The following CRB1 variants were observed in gnomAD, a reference collection of about 807,000 sequenced individuals.
CRB1 encodes the protein crumbs cell polarity complex component 1, also known as protein crumbs homolog 1.
A neutral mutation model predicts 120.0 loss-of-function variants in CRB1; 83 were observed. The observed-to-expected ratio is 0.69, with a 90% CI of 0.58 to 0.83. The LOEUF is 0.83. CRB1 is among the 40% of genes least tolerant of loss of function. CRB1 has a pLI of 0.00. For synonymous variants in CRB1, 625 were observed against 612.5 expected (o/e 1.02, Z -0.30); for missense variants, 1,699 against 1,687.6 (o/e 1.01, Z -0.12).
chr1:197,221,231 A>C, the CRB1 span, among the ~76,000 whole-genome samples: 1 of 152,216 alleles, frequency 6.6e-6, no homozygotes, highest in Non-Finnish European at 1.5e-5. Flanking sequence ...CAGTTAAGAA[A>C]AGGGCCTCAG....
chr1:197,377,944 C>T (rs1571428768), intron 5 of CRB1, among the ~76,000 whole-genome samples: 1 of 152,152 alleles, frequency 6.6e-6, no homozygotes, highest in Non-Finnish European at 1.5e-5. Flanking sequence ...TGTATCCTCC[C>T]GGCACTATCT....
chr1:197,245,168 G>A, the CRB1 span, among the ~76,000 whole-genome samples: 2 of 151,932 alleles, frequency 1.3e-5, no homozygotes, highest in East Asian at 1.9e-4. Flanking sequence ...CCATTAACTC[G>A]TCATTGAACA....
At chr1:197,290,770 T>C (rs1558032890) in intron 1 of CRB1, among the ~76,000 whole-genome samples, 2 of 151,814 alleles carry the variant, frequency 1.3e-5, no homozygotes, top group Admixed American at 1.3e-4. Context: ...ATTTGCCCTC[T>C]CACTAAAAAT....
chr1:197,363,911 C>G lies in CRB1; in HGVS notation c.1171+6898C>G, dbSNP rs146173518. The stretch of plus-strand genomic sequence containing the variant: ...AGGACCCTAAACAGAATCCTCACTA[C>G]GGATGGGCTCACTGAGGACATTAAG... On this transcript the variant is annotated intron_variant, in intron 5 of 11. Coordinates refer to ENST00000367400, the MANE Select transcript of CRB1 (RefSeq NM_201253.3). 17 of 1,228,722 alleles carry G rather than the reference C, an allele frequency of 1.4e-5. No homozygotes were observed. In the East Asian group the frequency reaches 3.7e-4, roughly 27 times the overall value. The allele number at this position is 1,228,722 out of a possible 1,614,324, so 76.1% of individuals were successfully genotyped here.
Position 197,472,081 on chromosome 1 carries a change from A to G in CRB1, c.4006-5583A>G, listed in dbSNP as rs564142957. Among the ~76,000 whole-genome samples, 4 of 152,356 alleles carry G rather than the reference A, an allele frequency of 2.6e-5. No individual in the cohort carries two copies. The South Asian group carries it at 8.3e-4, about 32-fold the overall frequency. On this transcript the variant is annotated intron_variant, in intron 11 of 11. Coordinates refer to ENST00000367400, the MANE Select transcript of CRB1 (RefSeq NM_201253.3). ...GAATCACTAATTCTCTTAATTGCAC[A>G]TAATGGTCTTACTTGGTTATTTGAT...
At chr1:197,236,974 C>T in the CRB1 span, among the ~76,000 whole-genome samples, 1 of 151,658 alleles carries the variant, frequency 6.6e-6, no homozygotes, top group Non-Finnish European at 1.5e-5. Context: ...AATATTGGCC[C>T]ATAGTTTTTC....
intron 1 of CRB1, among the ~76,000 whole-genome samples, chr1:197,275,233 C>A (rs1334863660): frequency 6.6e-6 from 1 of 152,034 alleles, no homozygotes; most frequent in Non-Finnish European, 1.5e-5. Flanking sequence ...ACCCTATTTA[C>A]AAATAAGGGC....
intron 11 of CRB1, among the ~76,000 whole-genome samples, chr1:197,461,718 G>A (rs1008954559): frequency 2.6e-5 from 4 of 152,098 alleles, no homozygotes; most frequent in Non-Finnish European, 4.4e-5. Context: ...GGTCCAGATT[G>A]GGCTCGACAC....
At chr1:197,264,660 C>T (rs558710438), upstream of CRB1, among the ~76,000 whole-genome samples, 33 of 145,786 alleles carry the variant, frequency 2.3e-4, no homozygotes, top group South Asian at 3.4e-3. Flanking sequence ...GTCGCTCTGT[C>T]GCCCAGGCTG....
intron 1 of CRB1, among the ~76,000 whole-genome samples, chr1:197,307,028 T>A (rs1558042597): frequency 6.6e-6 from 1 of 152,208 alleles, no homozygotes; most frequent in Non-Finnish European, 1.5e-5. Context: ...ATTTTTACCT[T>A]TATTTTATTT....
chr1:197,341,707 A>G (rs1659470298), intron 2 of CRB1, among the ~76,000 whole-genome samples: 1 of 151,600 alleles, frequency 6.6e-6, no homozygotes, highest in Admixed American at 6.6e-5. Flanking sequence ...GATAAACCAA[A>G]CATTTTTTTT....
chr1:197,250,392 T>A, the CRB1 span, among the ~76,000 whole-genome samples: 8 of 152,170 alleles, frequency 5.3e-5, no homozygotes, highest in South Asian at 1.0e-3. Flanking sequence ...TCATAAGACC[T>A]GTTTTCCCTT....
At chr1:197,290,880 A>C (rs2125237114) in intron 1 of CRB1, among the ~76,000 whole-genome samples, 1 of 151,856 alleles carries the variant, frequency 6.6e-6, no homozygotes, top group East Asian at 1.9e-4. Flanking sequence ...TTTTGCAGGA[A>C]ATTGTGTTTC....
intron 5 of CRB1, among the ~76,000 whole-genome samples, chr1:197,361,779 G>T (rs1437058994): frequency 6.6e-6 from 1 of 150,884 alleles, no homozygotes. Context: ...TAAAAAAATA[G>T]CTTTTGGTTT....
chr1:197,395,441 A>G (rs1398512608), intron 5 of CRB1, among the ~76,000 whole-genome samples: 1 of 152,164 alleles, frequency 6.6e-6, no homozygotes, highest in Non-Finnish European at 1.5e-5. Flanking sequence ...AGAAGATTGC[A>G]TGATATGCAC....
At chr1:197,302,242 T>G (rs1656907856) in intron 1 of CRB1, among the ~76,000 whole-genome samples, 2 of 152,210 alleles carry the variant, frequency 1.3e-5, no homozygotes, top group African/African-American at 4.8e-5. Flanking sequence ...AGATTATGAC[T>G]TGCTAAAGGC....
intron 4 of CRB1, among the ~76,000 whole-genome samples, chr1:197,354,265 G>A (rs1442031213): frequency 1.3e-5 from 2 of 152,158 alleles, no homozygotes; most frequent in East Asian, 1.9e-4. Context: ...CATTACTTAT[G>A]ACCCACAAAT....
intron 4 of CRB1, among the ~76,000 whole-genome samples, chr1:197,350,814 G>T (rs1660052785): frequency 6.6e-6 from 1 of 152,154 alleles, no homozygotes; most frequent in Non-Finnish European, 1.5e-5. Context: ...ACAAATTACT[G>T]CTCTGAGCCT....
chr1:197,384,014 T>C (rs1157127976), intron 5 of CRB1, among the ~76,000 whole-genome samples: 1 of 152,196 alleles, frequency 6.6e-6, no homozygotes, highest in African/African-American at 2.4e-5. Context: ...GGGCCAGATT[T>C]TGCTCTTGGA....
Sources: allele counts gnomAD v4.1 joint callset (sites outside exome capture counted in the v4.1 genomes callset), GRCh38; gene constraint gnomAD v4.1.1; transcripts MANE v1.5; gene names NCBI Gene and HGNC (gene_info 2026-07-23, HGNC 2026-07-21).